The following ALDH1A2 variants were observed in gnomAD, a reference collection of about 807,000 sequenced individuals.
ALDH1A2 encodes the protein aldehyde dehydrogenase 1 family member A2.
Under a neutral mutation model 60.3 loss-of-function variants are expected in ALDH1A2, and 27 were observed. The ratio of observed to expected loss-of-function variants is 0.45; its 90% CI spans 0.33 to 0.62. ALDH1A2 has a LOEUF of 0.62. Ranked by LOEUF, ALDH1A2 falls within the 20% of genes least tolerant of loss-of-function variation. The pLI is 0.02. For missense variants in ALDH1A2, 581 were observed against 643.8 expected (o/e 0.90, Z 1.06); for synonymous variants, 289 against 232.4 (o/e 1.24, Z -2.21).
chr15:58,040,151 T>A, intron 1 of ALDH1A2, among the ~76,000 whole-genome samples: 1 of 151,876 alleles, frequency 6.6e-6, no homozygotes, highest in East Asian at 1.9e-4. Flanking sequence ...CTTAAAGAAT[T>A]CCAGCCAAAG....
intron 1 of ALDH1A2, among the ~76,000 whole-genome samples, chr15:58,034,732 T>C (rs1195732475): frequency 6.6e-6 from 1 of 151,772 alleles, no homozygotes; most frequent in Non-Finnish European, 1.5e-5. Context: ...CATGATCTCC[T>C]GATTTTTTCT....
At chr15:58,046,910 T>G (rs1896653024) in intron 1 of ALDH1A2, among the ~76,000 whole-genome samples, 1 of 152,072 alleles carries the variant, frequency 6.6e-6, no homozygotes, top group Non-Finnish European at 1.5e-5. Context: ...CTTCTAAAAG[T>G]TGCTTTAAGT....
intron 7 of ALDH1A2, among the ~76,000 whole-genome samples, chr15:57,969,952 T>C (rs1894009409): frequency 6.6e-6 from 1 of 152,186 alleles, no homozygotes; most frequent in Admixed American, 6.5e-5. Context: ...GAATCTTCAA[T>C]TTGGGAAAGC....
Position 57,955,176 on chromosome 15 carries a change from T to A in ALDH1A2, c.*21A>T. On this transcript the variant is annotated 3_prime_UTR_variant, in exon 13 of 13. Coordinates refer to ENST00000249750, the MANE Select transcript of ALDH1A2 (RefSeq NM_003888.4). ...GAGGGACAGACGTGCAGGCTGGGCT[T>A]CATCCTCCTTCTTGGCCTTCTTAGG... is the stretch of plus-strand genomic sequence containing the variant. The A allele has an allele frequency of 6.2e-7, 1 of 1,612,734 alleles. No individual in the cohort carries two copies. Among genetic ancestry groups the A allele is most frequent in the Non-Finnish European group, 8.5e-7 (1 of 1,178,732 alleles).
At chr15:58,047,429 T>C (rs902038157) in intron 1 of ALDH1A2, among the ~76,000 whole-genome samples, 6 of 151,936 alleles carry the variant, frequency 3.9e-5, no homozygotes, top group African/African-American at 1.5e-4. Flanking sequence ...AGGAAGTAGT[T>C]TGAGGACTTA....
At chr15:57,965,878 G>C (rs1189079405) in intron 7 of ALDH1A2, 51 bp from the exon 8 acceptor site, 4 of 1,424,942 alleles carry the variant, frequency 2.8e-6, no homozygotes, top group Non-Finnish European at 4.0e-6. Context: ...AGGTGAGACA[G>C]TCACCGGCCA....
chr15:58,038,089 G>T (rs115735305), intron 1 of ALDH1A2, among the ~76,000 whole-genome samples: 4 of 151,226 alleles, frequency 2.6e-5, no homozygotes, highest in African/African-American at 9.7e-5. Context: ...TTAAGCTATG[G>T]GTTTCCCTGG....
At chr15:57,988,001 A>G (rs1366564819) in intron 7 of ALDH1A2, among the ~76,000 whole-genome samples, 2 of 152,216 alleles carry the variant, frequency 1.3e-5, no homozygotes, top group African/African-American at 4.8e-5. Flanking sequence ...CGTTACAGAT[A>G]AGGAAAATTA....
At chr15:57,974,324 T>C (rs566662951) in intron 7 of ALDH1A2, among the ~76,000 whole-genome samples, 2 of 151,134 alleles carry the variant, frequency 1.3e-5, no homozygotes, top group Admixed American at 1.3e-4. Flanking sequence ...TTCCAGCTAC[T>C]TGGGAGGCTG....
chr15:57,956,053 A>G (rs1266178619), intron 12 of ALDH1A2, among the ~76,000 whole-genome samples: 1 of 151,954 alleles, frequency 6.6e-6, no homozygotes, highest in Non-Finnish European at 1.5e-5. Context: ...CAACCACCAC[A>G]CTTATCACAC....
At chr15:58,058,946 T>C (rs909211973) in intron 1 of ALDH1A2, among the ~76,000 whole-genome samples, 6 of 152,212 alleles carry the variant, frequency 3.9e-5, no homozygotes, top group African/African-American at 1.4e-4. Flanking sequence ...AGCAGAAGTC[T>C]AGGTGGTGAA....
intron 1 of ALDH1A2, among the ~76,000 whole-genome samples, chr15:58,017,501 A>C (rs939925661): frequency 6.6e-6 from 1 of 152,182 alleles, no homozygotes; most frequent in Admixed American, 6.5e-5. Flanking sequence ...ATGAACCCTC[A>C]AATTTCTCCA....
At chr15:58,003,006 C>G (rs1175709296) in intron 4 of ALDH1A2, among the ~76,000 whole-genome samples, 1 of 151,866 alleles carries the variant, frequency 6.6e-6, no homozygotes, top group Non-Finnish European at 1.5e-5. Flanking sequence ...TGCTTTTCTT[C>G]CCAGAAGTCT....
intron 7 of ALDH1A2, among the ~76,000 whole-genome samples, chr15:57,983,779 C>T (rs1238974841): frequency 3.3e-5 from 5 of 152,180 alleles, no homozygotes; most frequent in Admixed American, 1.3e-4. Context: ...TTGGGCTAGA[C>T]TGAATCACAT....
chr15:58,025,588 A>G (rs1896058316), intron 1 of ALDH1A2, among the ~76,000 whole-genome samples: 1 of 152,246 alleles, frequency 6.6e-6, no homozygotes, highest in African/African-American at 2.4e-5. Context: ...ACAAAGAATA[A>G]CTAACATCAA....
chr15:58,040,541 A>G (rs1896492578), intron 1 of ALDH1A2, among the ~76,000 whole-genome samples: 1 of 151,906 alleles, frequency 6.6e-6, no homozygotes, highest in African/African-American at 2.4e-5. Context: ...TTCCTGTCTA[A>G]AGGAATAAGC....
chr15:58,065,207 G>GTTCCGACGCC, intron 1 of ALDH1A2: 1 of 348,744 alleles, frequency 2.9e-6, no homozygotes, highest in South Asian at 2.2e-5. Flanking sequence ...ATACTAAGCG[G>GTTCCGACGCC]TTCCGACGCC....
intron 1 of ALDH1A2, among the ~76,000 whole-genome samples, chr15:58,028,438 G>A (rs532999196): frequency 6.6e-6 from 1 of 152,142 alleles, no homozygotes; most frequent in Non-Finnish European, 1.5e-5. Context: ...ACCAGCCACT[G>A]CAAAAAACAT....
intron 1 of ALDH1A2, among the ~76,000 whole-genome samples, chr15:58,040,577 T>A (rs1896493827): frequency 6.6e-6 from 1 of 151,896 alleles, no homozygotes; most frequent in Non-Finnish European, 1.5e-5. Flanking sequence ...AAATCCAAGT[T>A]CACACCACAA....
Sources: allele counts gnomAD v4.1 joint callset (sites outside exome capture counted in the v4.1 genomes callset), GRCh38; gene constraint gnomAD v4.1.1; transcripts MANE v1.5; gene names NCBI Gene and HGNC (gene_info 2026-07-23, HGNC 2026-07-21).